The following KIRREL3 variants were observed in gnomAD, a reference collection of about 807,000 sequenced individuals.
The protein encoded by KIRREL3 is kin of IRRE-like protein 3.
A neutral mutation model predicts 89.7 loss-of-function variants in KIRREL3; 36 were observed. That is an observed-to-expected ratio of 0.40 (90% confidence interval 0.31 to 0.53). The LOEUF (loss-of-function observed/expected upper bound fraction) is 0.53. KIRREL3 is among the 20% of genes least tolerant of loss of function. The pLI is 0.49. For synonymous variants in KIRREL3, 445 were observed against 441.4 expected (o/e 1.01, Z -0.10); for missense variants, 864 against 1,056.6 (o/e 0.82, Z 2.53).
At position 126,652,259 on chromosome 11, in the gene KIRREL3, C is replaced by A. The variant is rs1204068627; in HGVS notation, c.56-89347G>T. ...CCACCCCTTGTTCTTTGTGTGAAAC[C>A]AGCACCCACTGGCCAAAAAGCCCGG... On this transcript the variant is annotated intron_variant, in intron 1 of 16. Coordinates refer to ENST00000525144, the MANE Select transcript of KIRREL3 (RefSeq NM_032531.4). This position sits in a 1 kb window ranked among gnomAD's most constrained non-coding sequence, Gnocchi z 4.9. Among the ~76,000 whole-genome samples, 1 of 152,030 alleles carries A rather than the reference C, an allele frequency of 6.6e-6. No homozygotes were observed. The highest frequency in any genetic ancestry group is 2.4e-5 in the African/African-American group (1 of 41,388).
chr11:126,618,508 C>A (rs1319540832), intron 1 of KIRREL3, among the ~76,000 whole-genome samples: 1 of 152,154 alleles, frequency 6.6e-6, no homozygotes, highest in Non-Finnish European at 1.5e-5. Context: ...AATCTTGGCT[C>A]ACTGCAAACT....
At position 126,563,908 on chromosome 11, in the gene KIRREL3, C is replaced by T. The variant is rs1363398198; in HGVS notation, c.56-996G>A. ...AACTCACTGAGGTGGGCATATGGGC[C>T]ACTGCAACTGACATTATGCAGATGG... On this transcript the variant is annotated intron_variant, in intron 1 of 16. Transcript: ENST00000525144. This position sits in a 1 kb window ranked among gnomAD's most constrained non-coding sequence, Gnocchi z 6.8. 1.3e-5 allele frequency among the ~76,000 whole-genome samples: 2 copies of T among 152,320 alleles called. No homozygotes were observed. Among genetic ancestry groups the T allele is most frequent in the South Asian group, 2.1e-4 (1 of 4,826 alleles).
rs1277877023 is a variant in KIRREL3, at chr11:126,860,311, A to G, written c.55+140144T>C. 6.6e-6 allele frequency among the ~76,000 whole-genome samples: 1 copy of G among 152,232 alleles called. No individual in the cohort carries two copies. Among genetic ancestry groups the G allele is most frequent in the Non-Finnish European group, 1.5e-5 (1 of 68,042 alleles). ...TGTAATGACATGACAATCTGATTAA[A>G]TTTAATAAAGGCGTGGGCAATGGGT... On this transcript the variant is annotated intron_variant, in intron 1 of 16. Coordinates refer to ENST00000525144, the MANE Select transcript of KIRREL3 (RefSeq NM_032531.4). This position sits in a 1 kb window ranked among gnomAD's most constrained non-coding sequence, Gnocchi z 4.6.
At chr11:126,722,068 C>G (rs1948195926) in intron 1 of KIRREL3, among the ~76,000 whole-genome samples, 1 of 152,240 alleles carries the variant, frequency 6.6e-6, no homozygotes, top group Non-Finnish European at 1.5e-5. Context: ...CCACTTCCAG[C>G]CTTGTCTTCT....
In KIRREL3 at chr11:126,954,790, CA is replaced by C. The variant is rs1396415688; in HGVS notation, c.55+45664del. 2.0e-5 allele frequency among the ~76,000 whole-genome samples: 3 copies of C among 152,284 alleles called. No individual in the cohort carries two copies. Among genetic ancestry groups the C allele is most frequent in the Non-Finnish European group, 4.4e-5 (3 of 68,020 alleles). On this transcript the variant is annotated intron_variant, in intron 1 of 16. Coordinates refer to ENST00000525144, the MANE Select transcript of KIRREL3 (RefSeq NM_032531.4). This position sits in a 1 kb window ranked among gnomAD's most constrained non-coding sequence, Gnocchi z 4.1. ...CTGGCTTACCCTTGAACAACTTTATCAGAAAGTTTTTTCTCATAGAAGGCAG... is the reference window on the plus strand; with the variant it reads ...CTGGCTTACCCTTGAACAACTTTATCGAAAGTTTTTTCTCATAGAAGGCAG...
In KIRREL3 at chr11:126,805,526, C is replaced by T. The variant is rs188427026; in HGVS notation, c.55+194929G>A. Reference sequence around the variant, plus strand: ...GCTGTCCCATCACAGGAAAAGAAACCTTGAGCTGATTGCAGACTGTCTCTA... The same window carrying T: ...GCTGTCCCATCACAGGAAAAGAAACTTTGAGCTGATTGCAGACTGTCTCTA... On this transcript the variant is annotated intron_variant, in intron 1 of 16. Coordinates refer to ENST00000525144, the MANE Select transcript of KIRREL3 (RefSeq NM_032531.4). This position sits in a 1 kb window ranked among gnomAD's most constrained non-coding sequence, Gnocchi z 4.3. Among the ~76,000 whole-genome samples the T allele has an allele frequency of 2.6e-5, 4 of 152,278 alleles. No homozygotes were observed. In the East Asian group the frequency reaches 5.8e-4, roughly 22 times the overall value.
chr11:126,482,757 G>A (rs749679737), intron 4 of KIRREL3, among the ~76,000 whole-genome samples: 3 of 152,278 alleles, frequency 2.0e-5, no homozygotes, highest in Admixed American at 6.5e-5. Flanking sequence ...GTGATTCCAC[G>A]CTGCCCTGCC....
In KIRREL3 at chr11:126,814,766, TG is replaced by T. The variant is rs1366338002; in HGVS notation, c.55+185688del. 2.0e-5 allele frequency among the ~76,000 whole-genome samples: 3 copies of T among 152,036 alleles called. No homozygotes were observed. The highest frequency in any genetic ancestry group is 7.2e-5 in the African/African-American group (3 of 41,414). On this transcript the variant is annotated intron_variant, in intron 1 of 16. Coordinates refer to ENST00000525144, the MANE Select transcript of KIRREL3 (RefSeq NM_032531.4). The surrounding 1 kb of genome is among the most constrained non-coding windows in gnomAD (Gnocchi z 4.4). ...GGGAACAACACACACTGGGACCTGA[TG>T]GGGGTGTGGGTTGGGGGAGGGAGAG...
At position 126,976,414 on chromosome 11, in the gene KIRREL3, A is replaced by G. The variant is rs1193011910; in HGVS notation, c.55+24041T>C. 3.3e-5 allele frequency among the ~76,000 whole-genome samples: 5 copies of G among 151,966 alleles called. No individual in the cohort carries two copies. The highest frequency in any genetic ancestry group is 7.4e-5 in the Non-Finnish European group (5 of 67,996). On this transcript the variant is annotated intron_variant, in intron 1 of 16. Coordinates refer to ENST00000525144, the MANE Select transcript of KIRREL3 (RefSeq NM_032531.4). The surrounding 1 kb of genome is among the most constrained non-coding windows in gnomAD (Gnocchi z 4.2). ...GAACCGTTACATTAATCTCCTGCAG[A>G]TTTTTTTCTGGAGATTTATATGTTT...
In KIRREL3 at chr11:126,780,383, G is replaced by C. The variant is rs900812107; in HGVS notation, c.56-217471C>G. Among the ~76,000 whole-genome samples the C allele has an allele frequency of 6.6e-6, 1 of 152,168 alleles. No homozygotes were observed. Among genetic ancestry groups the C allele is most frequent in the Non-Finnish European group, 1.5e-5 (1 of 68,042 alleles). ...TTTAAATAAAAACCAGCTATTCGTG[G>C]GGAAGCCTGACAGGGTTTCTTTTAA... On this transcript the variant is annotated intron_variant, in intron 1 of 16. Coordinates refer to ENST00000525144, the MANE Select transcript of KIRREL3 (RefSeq NM_032531.4). The surrounding 1 kb of genome is among the most constrained non-coding windows in gnomAD (Gnocchi z 5.3).
rs1476324570 is a variant in KIRREL3, at chr11:126,937,492, A to G, written c.55+62963T>C. Reference sequence around the variant, plus strand: ...GCTCCAGTCAAGGACACGTGAGCATACATTTCCTGGAGGAGCTTTGGAGAA... The same window carrying G: ...GCTCCAGTCAAGGACACGTGAGCATGCATTTCCTGGAGGAGCTTTGGAGAA... On this transcript the variant is annotated intron_variant, in intron 1 of 16. Coordinates refer to ENST00000525144, the MANE Select transcript of KIRREL3 (RefSeq NM_032531.4). Among the ~76,000 whole-genome samples, 3 of 152,242 alleles carry G rather than the reference A, an allele frequency of 2.0e-5. No homozygotes were observed. In the East Asian group the frequency reaches 5.8e-4, roughly 29 times the overall value.
In KIRREL3 at chr11:126,870,934, T is replaced by C. The variant is rs897418680; in HGVS notation, c.55+129521A>G. On this transcript the variant is annotated intron_variant, in intron 1 of 16. Coordinates refer to ENST00000525144, the MANE Select transcript of KIRREL3 (RefSeq NM_032531.4). The surrounding 1 kb of genome is among the most constrained non-coding windows in gnomAD (Gnocchi z 4.4). ...TACAGAAAGACTGGACCAAAACTGT[T>C]CTACATGGCCACAACAGGCTTGGAT... Among the ~76,000 whole-genome samples, 3 of 152,016 alleles carry C rather than the reference T, an allele frequency of 2.0e-5. No individual in the cohort carries two copies. The highest frequency in any genetic ancestry group is 7.3e-5 in the African/African-American group (3 of 41,372).
At position 126,742,975 on chromosome 11, in the gene KIRREL3, C is replaced by A. The variant is rs1449156354; in HGVS notation, c.56-180063G>T. On this transcript the variant is annotated intron_variant, in intron 1 of 16. Coordinates refer to ENST00000525144, the MANE Select transcript of KIRREL3 (RefSeq NM_032531.4). The surrounding 1 kb of genome is among the most constrained non-coding windows in gnomAD (Gnocchi z 5.3). ...AGTTTCTAGGTCAGCTGCCCAGGGG[C>A]TGTCCCCTGCTCAGCTTATCTGAGA... Among the ~76,000 whole-genome samples, 20 of 152,350 alleles carry A rather than the reference C, an allele frequency of 1.3e-4. 1 individual carries two copies. Among genetic ancestry groups the A allele is most frequent in the Non-Finnish European group, 1.5e-5 (1 of 68,024 alleles).
At chr11:126,967,130 C>T (rs1440538655) in intron 1 of KIRREL3, among the ~76,000 whole-genome samples, 1 of 152,166 alleles carries the variant, frequency 6.6e-6, no homozygotes, top group African/African-American at 2.4e-5. Context: ...GTTTGTACAA[C>T]CTGACAATAG....
In KIRREL3 at chr11:126,544,983, C is replaced by T. The variant is rs146469920; in HGVS notation, c.133+17852G>A. Among the ~76,000 whole-genome samples, 10 of 152,258 alleles carry T rather than the reference C, an allele frequency of 6.6e-5. No individual in the cohort carries two copies. Among genetic ancestry groups the T allele is most frequent in the Non-Finnish European group, 1.0e-4 (7 of 68,020 alleles). ...GCAATCTAATAAATTACTTGGTACC[C>T]GGCTGCCAGCTCAGACTAAGCCCAA... On this transcript the variant is annotated intron_variant, in intron 2 of 16. Coordinates refer to ENST00000525144, the MANE Select transcript of KIRREL3 (RefSeq NM_032531.4). This position sits in a 1 kb window ranked among gnomAD's most constrained non-coding sequence, Gnocchi z 5.6.
At chr11:126,478,003 C>T (rs550532770) in intron 4 of KIRREL3, among the ~76,000 whole-genome samples, 1 of 152,232 alleles carries the variant, frequency 6.6e-6, no homozygotes, top group Non-Finnish European at 1.5e-5. Context: ...AGGGGCTTCC[C>T]GCTGAAGGAG....
intron 4 of KIRREL3, among the ~76,000 whole-genome samples, chr11:126,509,765 G>A (rs1958143616): frequency 6.6e-6 from 1 of 152,110 alleles, no homozygotes; most frequent in Admixed American, 6.5e-5. Context: ...GGAGGCCAAG[G>A]CGGGGGAATC....
intron 9 of KIRREL3, 41 bp from the exon 10 acceptor site, chr11:126,445,146 G>A (rs749222095): frequency 1.9e-6 from 3 of 1,608,662 alleles, no homozygotes; most frequent in Non-Finnish European, 2.5e-6. Context: ...AGCAGGCGGA[G>A]GGGTGCACTC....
Position 126,844,179 on chromosome 11 carries a change from G to C in KIRREL3, c.55+156276C>G, listed in dbSNP as rs1944057297. Among the ~76,000 whole-genome samples the C allele has an allele frequency of 6.6e-6, 1 of 152,082 alleles. No individual in the cohort carries two copies. The highest frequency in any genetic ancestry group is 1.5e-5 in the Non-Finnish European group (1 of 68,032). On this transcript the variant is annotated intron_variant, in intron 1 of 16. Transcript: ENST00000525144. This position sits in a 1 kb window ranked among gnomAD's most constrained non-coding sequence, Gnocchi z 4.8. ...ATAGTGAGGAAACCCCCAATCCAAA[G>C]GCTAACTTTGGGTAAGTGGTGGGGG...
Sources: allele counts gnomAD v4.1 joint callset (sites outside exome capture counted in the v4.1 genomes callset), GRCh38; gene constraint gnomAD v4.1.1; non-coding constraint Gnocchi (gnomAD v3.1); transcripts MANE v1.5; gene names NCBI Gene and HGNC (gene_info 2026-07-23, HGNC 2026-07-21).